The following PKHD1L1 variants were observed in gnomAD, a reference collection of about 807,000 sequenced individuals.
PKHD1L1 encodes PKHD1 like 1, also known as fibrocystin-L.
A neutral mutation model predicts 462.9 loss-of-function variants in PKHD1L1; 434 were observed. The ratio of observed to expected loss-of-function variants is 0.94; its 90% CI spans 0.87 to 1.02. The LOEUF (loss-of-function observed/expected upper bound fraction) is 1.02, where lower values mean the gene tolerates loss of function less well. Among genes scored for constraint, PKHD1L1 ranks in the 50% least tolerant of loss-of-function variants. PKHD1L1 has a pLI of 0.00. For synonymous variants in PKHD1L1, 1,781 were observed against 1,750.0 expected (o/e 1.02, Z -0.44); for missense variants, 5,202 against 5,096.1 (o/e 1.02, Z -0.63).
At chr8:109,490,480 T>C (rs946003070) in intron 60 of PKHD1L1, among the ~76,000 whole-genome samples, 3 of 151,758 alleles carry the variant, frequency 2.0e-5, no homozygotes, top group African/African-American at 7.2e-5. Context: ...TTAAGAAAAA[T>C]GAGAGACAGC....
At chr8:109,426,104 G>A (rs995425743) in intron 24 of PKHD1L1, among the ~76,000 whole-genome samples, 6 of 151,820 alleles carry the variant, frequency 4.0e-5, no homozygotes, top group African/African-American at 1.5e-4. Flanking sequence ...AACTATTCAG[G>A]GCAAGTGACA....
chr8:109,452,312 CA>C, intron 42 of PKHD1L1, 32 bp downstream of exon 42: 2 of 1,473,962 alleles, frequency 1.4e-6, no homozygotes, highest in South Asian at 3.1e-5. Flanking sequence ...GTAATCACAG[CA>C]ATAGAAAACC....
In PKHD1L1 at chr8:109,419,280, C is replaced by A; in HGVS notation, c.2524+20C>A. The A allele has an allele frequency of 1.3e-6, 2 of 1,546,862 alleles. No homozygotes were observed. The highest frequency in any genetic ancestry group is 1.8e-6 in the Non-Finnish European group (2 of 1,140,122). ...TGGATGGTATGTTGTATCATTTTAT[C>A]TCTGCTTTAATCTAAATATAGTAAA... On this transcript the variant is annotated intron_variant, in intron 22 of 77. Transcript: ENST00000378402.
Position 109,439,041 on chromosome 8 carries a change from G to A in PKHD1L1, c.3905G>A (p.Gly1302Glu). 6.2e-7 allele frequency: 1 copy of A among 1,613,570 alleles called. No individual in the cohort carries two copies. Among genetic ancestry groups the A allele is most frequent in the African/African-American group, 1.3e-5 (1 of 75,008 alleles). The stretch of plus-strand genomic sequence containing the variant: ...TGCCTTTTGCCCAAGTTGTCTCCTG[G>A]AAAACATGATATCTATGTAGAAGTC... ...IRCLLPKLSP[G>E]KHDIYVEVRN... The change falls in exon 32 of 78, where the codon GGA becomes GAA. Residue 1302 changes from glycine to glutamate, a missense_variant. Physicochemically the swap from Gly to Glu is moderately conservative, Grantham distance 98. Transcript: ENST00000378402.
At chr8:109,481,742 G>C (rs1818286512) in intron 56 of PKHD1L1, among the ~76,000 whole-genome samples, 180 bp downstream of exon 56, 1 of 151,692 alleles carries the variant, frequency 6.6e-6, no homozygotes, top group East Asian at 1.9e-4. Context: ...TATAGAAGTA[G>C]CAGAGATTTT....
chr8:109,444,730 C>T lies in PKHD1L1; in HGVS notation c.4861C>T (p.Pro1621Ser), dbSNP rs1313146089. 12 of 1,613,706 alleles carry T rather than the reference C, an allele frequency of 7.4e-6. No individual in the cohort carries two copies. Among genetic ancestry groups the T allele is most frequent in the South Asian group, 1.1e-5 (1 of 91,076 alleles). The stretch of plus-strand genomic sequence containing the variant: ...GGATTCAATTACATGTCATATTGAC[C>T]CTCAAAACTCAATGGATGTTGGTAT... ...SEDSITCHIDPQNSMDVGIRE... is the reference protein window; with the variant it reads ...SEDSITCHIDSQNSMDVGIRE... Residue 1621 changes from proline (P) to serine (S), a missense_variant, in exon 38 of 78, where the codon CCT becomes TCT. Physicochemically the swap from Pro to Ser is moderately conservative, Grantham distance 74. This residue lies in a region of PKHD1L1 where 4,497 missense variants were observed against 4,336.8 expected (regional missense o/e 1.04). Transcript: ENST00000378402.
At chr8:109,390,392 G>C (rs749198756) in intron 8 of PKHD1L1, 60 bp from the exon 9 acceptor site, 49 of 918,728 alleles carry the variant, frequency 5.3e-5, no homozygotes, top group Admixed American at 1.0e-4. Context: ...TTATAATATA[G>C]AGTTATTGTT....
rs542584291 is a variant in PKHD1L1 at position 109,476,943 on chromosome 8, A to G, written c.8917+276A>G. Among the ~76,000 whole-genome samples the G allele has an allele frequency of 2.6e-5, 4 of 152,248 alleles. No individual in the cohort carries two copies. In the East Asian group the frequency reaches 5.8e-4, roughly 22 times the overall value. ...GAAAATGAATACAATGGAAGCTGGCATATGTTTTGTTTCCATTTTTATTAT... is the reference window on the plus strand; with the variant it reads ...GAAAATGAATACAATGGAAGCTGGCGTATGTTTTGTTTCCATTTTTATTAT... On this transcript the variant is annotated intron_variant, in intron 52 of 77. Coordinates refer to ENST00000378402, the MANE Select transcript of PKHD1L1 (RefSeq NM_177531.6).
At chr8:109,365,035 A>C (rs1012192932) in intron 2 of PKHD1L1, among the ~76,000 whole-genome samples, 1 of 152,200 alleles carries the variant, frequency 6.6e-6, no homozygotes, top group Non-Finnish European at 1.5e-5. Context: ...TAATATGTTA[A>C]TGAAAGAGGA....
intron 50 of PKHD1L1, among the ~76,000 whole-genome samples, chr8:109,468,396 A>G (rs1817555939): frequency 6.6e-6 from 1 of 152,176 alleles, no homozygotes; most frequent in African/African-American, 2.4e-5. Context: ...AAGAATTAAG[A>G]TTTTTTATTT....
At chr8:109,380,046 C>G (rs116790458) in intron 2 of PKHD1L1, among the ~76,000 whole-genome samples, 4 of 152,038 alleles carry the variant, frequency 2.6e-5, no homozygotes, top group African/African-American at 9.7e-5. Flanking sequence ...TTAGTGTCAC[C>G]CTATTAGCTA....
rs1384537464 is a variant in PKHD1L1 at position 109,507,862 on chromosome 8, A to C, written c.11194A>C (p.Arg3732=). 3.7e-6 allele frequency: 6 copies of C among 1,613,632 alleles called. No homozygotes were observed. The highest frequency in any genetic ancestry group is 5.1e-6 in the Non-Finnish European group (6 of 1,179,658). ...GATGCTCACATTCTTGAATGGAAGT[A>C]GAATTCCTGTCACTGAGAAAGCACC... is the stretch of plus-strand genomic sequence containing the variant. ...KAMLTFLNGS[R]IPVTEKAPHK... is the part of the protein sequence containing the mutation. The change falls in exon 69 of 78, where the codon AGA becomes CGA. Residue 3732 remains arginine, a synonymous_variant. Coordinates refer to ENST00000378402, the MANE Select transcript of PKHD1L1 (RefSeq NM_177531.6).
chr8:109,408,233 G>A (rs371584446), intron 18 of PKHD1L1, 27 bp downstream of exon 18: 16 of 1,593,842 alleles, frequency 1.0e-5, no homozygotes, highest in Admixed American at 1.7e-5. Context: ...TTTCTACCAC[G>A]CATTTTCCCT....
Position 109,364,601 on chromosome 8 carries a change from T to A in PKHD1L1, c.128T>A (p.Ile43Lys). ...VTEIIPKYGS[I>K]NGATRLTIRG... ...GAAATAATACCTAAATATGGCAGTA[T>A]AAATGGAGCAACAAGGCTGACTATA... The change falls in exon 2 of 78, where the codon ATA (isoleucine) becomes AAA (lysine). Residue 43 changes from isoleucine (I) to lysine (K), a missense_variant. This residue lies in a region of PKHD1L1 where 4,497 missense variants were observed against 4,336.8 expected (regional missense o/e 1.04). Coordinates refer to ENST00000378402, the MANE Select transcript of PKHD1L1 (RefSeq NM_177531.6). 6.3e-7 allele frequency: 1 copy of A among 1,593,512 alleles called. No individual in the cohort carries two copies. The highest frequency in any genetic ancestry group is 8.6e-7 in the Non-Finnish European group (1 of 1,166,314).
Position 109,452,129 on chromosome 8 carries a change from A to G in PKHD1L1, c.6356A>G (p.Asn2119Ser). 1.2e-6 allele frequency: 2 copies of G among 1,608,856 alleles called. No individual in the cohort carries two copies. Among genetic ancestry groups the G allele is most frequent in the Non-Finnish European group, 1.7e-6 (2 of 1,177,726 alleles). Residue 2119 changes from asparagine (N) to serine (S), a missense_variant, in exon 42 of 78, where the codon AAT becomes AGT. Physicochemically the swap from Asn to Ser is conservative, Grantham distance 46. Transcript: ENST00000378402. ...GTTTTCCCTCTTTTTTACAGTGAAAATATGGAGGATGTTCATATCACCATA... is the reference window on the plus strand; with the variant it reads ...GTTTTCCCTCTTTTTTACAGTGAAAGTATGGAGGATGTTCATATCACCATA... ...LTVVGSGFSENMEDVHITIAE... is the reference protein window; with the variant it reads ...LTVVGSGFSESMEDVHITIAE...
chr8:109,393,101 G>A (rs1328632838), intron 9 of PKHD1L1, among the ~76,000 whole-genome samples: 1 of 152,136 alleles, frequency 6.6e-6, no homozygotes, highest in African/African-American at 2.4e-5. Context: ...GCTGGAGCTA[G>A]CATCGTTTCA....
intron 50 of PKHD1L1, among the ~76,000 whole-genome samples, chr8:109,474,129 A>G (rs1376955178): frequency 1.3e-5 from 2 of 152,162 alleles, no homozygotes; most frequent in Admixed American, 6.6e-5. Flanking sequence ...TTTTAAAATT[A>G]ATACTAACTC....
intron 40 of PKHD1L1, 108 bp downstream of exon 40, chr8:109,449,595 C>T (rs1293986517): frequency 3.2e-6 from 3 of 952,024 alleles, no homozygotes; most frequent in African/African-American, 3.4e-5. Context: ...AATTAAATCA[C>T]TTTATGACTG....
intron 53 of PKHD1L1, 125 bp from the exon 54 acceptor site, chr8:109,479,426 G>A (rs1818159051): frequency 4.8e-6 from 3 of 621,068 alleles, no homozygotes; most frequent in Admixed American, 3.0e-5. Context: ...AAAGGACAAA[G>A]CGTGCATTTT....
Sources: allele counts gnomAD v4.1 joint callset (sites outside exome capture counted in the v4.1 genomes callset), GRCh38; gene constraint gnomAD v4.1.1; regional missense constraint gnomAD v4.1.1; transcripts MANE v1.5; gene names NCBI Gene and HGNC (gene_info 2026-07-23, HGNC 2026-07-21).